The following SEL1L3 variants were observed in gnomAD, a reference collection of about 807,000 sequenced individuals.
SEL1L3 encodes SEL1L family member 3.
In SEL1L3, 76 loss-of-function variants were observed where a neutral mutation model predicts 142.8. The ratio of observed to expected loss-of-function variants is 0.53; its 90% CI spans 0.44 to 0.64. The LOEUF is 0.64. Ranked by LOEUF, SEL1L3 falls within the 30% of genes least tolerant of loss-of-function variation. The pLI is 0.00. For synonymous variants in SEL1L3, 504 were observed against 519.6 expected (o/e 0.97, Z 0.41); for missense variants, 1,262 against 1,381.7 (o/e 0.91, Z 1.37).
intron 23 of SEL1L3, chr4:25,755,785 G>T: frequency 1.3e-6 from 1 of 792,274 alleles, no homozygotes; most frequent in Non-Finnish European, 1.5e-6. Flanking sequence ...AAATCACAAA[G>T]ACAAATTTCA....
At chr4:25,739,713 C>T in the SEL1L3 span, among the ~76,000 whole-genome samples, 1 of 129,726 alleles carries the variant, frequency 7.7e-6, no homozygotes, top group African/African-American at 3.2e-5. Context: ...CAAAAAAAAA[C>T]AAAAAACAAA....
intron 19 of SEL1L3, among the ~76,000 whole-genome samples, chr4:25,766,919 G>C (rs562037112): frequency 6.6e-6 from 1 of 152,188 alleles, no homozygotes; most frequent in Non-Finnish European, 1.5e-5. Context: ...GCAGAGCAGC[G>C]TAGAGGAATC....
Position 25,822,057 on chromosome 4 carries a change from C to A in SEL1L3, c.1229G>T (p.Gly410Val), listed in dbSNP as rs1714797004. Residue 410 changes from glycine (G) to valine (V), a missense_variant, in exon 7 of 24, where the codon GGC becomes GTC. Transcript: ENST00000399878. ...FIIGGSRYVAGIEGFFGPLKY... is the reference protein window; with the variant it reads ...FIIGGSRYVAVIEGFFGPLKY... ...CAGGGGTCCAAAAAACCCTTCAATG[C>A]CAGCCACATACCTGCTCCCTCCAAT... is the stretch of plus-strand genomic sequence containing the variant. 2 of 1,613,928 alleles carry A rather than the reference C, an allele frequency of 1.2e-6. No individual in the cohort carries two copies. The highest frequency in any genetic ancestry group is 8.5e-7 in the Non-Finnish European group (1 of 1,179,866).
chr4:25,755,782 A>C, intron 23 of SEL1L3: 1 of 782,604 alleles, frequency 1.3e-6, no homozygotes, highest in Non-Finnish European at 1.6e-6. Context: ...ATAAAATCAC[A>C]AAGACAAATT....
At chr4:25,853,412 T>C (rs964413143) in intron 1 of SEL1L3, among the ~76,000 whole-genome samples, 7 of 152,292 alleles carry the variant, frequency 4.6e-5, no homozygotes, top group Middle Eastern at 3.4e-3. Context: ...CCCCAAGGTA[T>C]ATAGGTGTTA....
chr4:25,833,680 T>A, intron 3 of SEL1L3, 111 bp from the exon 4 acceptor site: 1 of 999,632 alleles, frequency 1.0e-6, no homozygotes, highest in Non-Finnish European at 1.4e-6. Context: ...ATGGATGAAT[T>A]TGCCTTCGCG....
chr4:25,858,120 A>C (rs1577707273), intron 1 of SEL1L3, among the ~76,000 whole-genome samples: 1 of 152,136 alleles, frequency 6.6e-6, no homozygotes, highest in Non-Finnish European at 1.5e-5. Context: ...TTTACGGTCT[A>C]CTCCAGTCTA....
intron 6 of SEL1L3, among the ~76,000 whole-genome samples, chr4:25,822,740 T>C (rs1056247878): frequency 2.6e-5 from 4 of 152,168 alleles, no homozygotes; most frequent in Non-Finnish European, 5.9e-5. Context: ...AGGACCACAC[T>C]GTCCTGAAGG....
At position 25,765,713 on chromosome 4, in the gene SEL1L3, A is replaced by G. The variant is rs186045944; in HGVS notation, c.2846-278T>C. On this transcript the variant is annotated intron_variant, in intron 19 of 23. Coordinates refer to ENST00000399878, the MANE Select transcript of SEL1L3 (RefSeq NM_015187.5). ...GAATACAGCGGTGAGATCAGGGCTC[A>G]CTGCAGCCTTGACTTCCTGGGCTCA... Among the ~76,000 whole-genome samples, 596 of 152,080 alleles carry G rather than the reference A, an allele frequency of 3.9e-3. 3 individuals are homozygous for G. The highest frequency in any genetic ancestry group is 4.0e-3 in the Non-Finnish European group (269 of 67,964).
At chr4:25,746,793 C>T (rs1577543620), downstream of SEL1L3, among the ~76,000 whole-genome samples, 1 of 151,714 alleles carries the variant, frequency 6.6e-6, no homozygotes, top group Non-Finnish European at 1.5e-5. Flanking sequence ...CTACAGGACT[C>T]TGAGCCAATA....
At position 25,802,141 on chromosome 4, in the gene SEL1L3, G is replaced by T. The variant is rs144412315; in HGVS notation, c.1956+142C>A. 1.3e-4 allele frequency: 89 copies of T among 661,426 alleles called. No homozygotes were observed. The East Asian group carries it at 2.4e-3, about 18-fold the overall frequency. The allele number at this position is 661,426 out of a possible 1,614,324, so 41.0% of individuals were successfully genotyped here. A position where few individuals can be genotyped will look rare whatever the true frequency, so the allele number is the denominator to read the frequency against. On this transcript the variant is annotated intron_variant, in intron 11 of 23. Transcript: ENST00000399878. ...GAACACAGCCAGGTAATAGGAAATGGAGAGCGCAAGACAGCTCCTCTCTCC... is the reference window on the plus strand; with the variant it reads ...GAACACAGCCAGGTAATAGGAAATGTAGAGCGCAAGACAGCTCCTCTCTCC...
the SEL1L3 span, among the ~76,000 whole-genome samples, chr4:25,739,578 G>A: frequency 2.3e-3 from 350 of 152,018 alleles, 1 homozygote; most frequent in Non-Finnish European, 3.0e-3. Flanking sequence ...GGTGGCACGC[G>A]CCTGTAGTCC....
intron 21 of SEL1L3, 119 bp downstream of exon 21, chr4:25,758,822 T>G: frequency 8.6e-7 from 1 of 1,156,450 alleles, no homozygotes; most frequent in East Asian, 2.5e-5. Context: ...CTTTTTGTTT[T>G]TGTTTTTTAA....
At chr4:25,801,116 G>A (rs1272657788) in intron 11 of SEL1L3, among the ~76,000 whole-genome samples, 1 of 152,190 alleles carries the variant, frequency 6.6e-6, no homozygotes, top group Non-Finnish European at 1.5e-5. Flanking sequence ...CAAGTTTATG[G>A]CACTTGCCAG....
intron 23 of SEL1L3, among the ~76,000 whole-genome samples, chr4:25,749,483 T>C (rs1433877480): frequency 6.6e-6 from 1 of 152,210 alleles, no homozygotes; most frequent in African/African-American, 2.4e-5. Context: ...TACAGGAAGT[T>C]AGTCATTATC....
At chr4:25,795,344 C>T (rs1712656801) in intron 11 of SEL1L3, among the ~76,000 whole-genome samples, 2 of 152,174 alleles carry the variant, frequency 1.3e-5, no homozygotes, top group South Asian at 2.1e-4. Flanking sequence ...TGGCTAATTG[C>T]TGTTTAGAAC....
intron 15 of SEL1L3, among the ~76,000 whole-genome samples, chr4:25,780,205 G>A (rs532340304): frequency 4.9e-4 from 75 of 151,822 alleles, no homozygotes; most frequent in Non-Finnish European, 9.3e-4. Context: ...CTGCTGCCTC[G>A]ACCTTCCAAA....
intron 11 of SEL1L3, among the ~76,000 whole-genome samples, chr4:25,801,049 A>G (rs1713150483): frequency 6.6e-6 from 1 of 152,230 alleles, no homozygotes; most frequent in African/African-American, 2.4e-5. Flanking sequence ...CTAAAATTCA[A>G]CAATCCTAAC....
Position 25,757,621 on chromosome 4 carries a change from AGCAC to A in SEL1L3, c.3187-19_3187-16del, listed in dbSNP as rs1718078009. ...AGAAAGTAGATCTGCAAACATCAGA[AGCAC>A]GCATTAGTGACTGACAAAGGGCAGG... On this transcript the variant is annotated splice_polypyrimidine_tract_variant and intron_variant, in intron 22 of 23. Coordinates refer to ENST00000399878, the MANE Select transcript of SEL1L3 (RefSeq NM_015187.5). 1 of 1,555,334 alleles carries A rather than the reference AGCAC, an allele frequency of 6.4e-7. No individual in the cohort carries two copies.
Sources: gnomAD v4.1 joint callset for allele counts (sites outside exome capture counted in the v4.1 genomes callset) on GRCh38, gnomAD v4.1.1 for gene constraint, MANE v1.5 for transcripts, NCBI Gene and HGNC (gene_info 2026-07-23, HGNC 2026-07-21) for gene names.